The following DMD variants were observed in gnomAD, a reference collection of about 807,000 sequenced individuals.
The protein encoded by DMD is mutant dystrophin.
Under a neutral mutation model 330.1 loss-of-function variants are expected in DMD, and 63 were observed. The ratio of observed to expected loss-of-function variants is 0.19; its 90% CI spans 0.16 to 0.24. DMD has a LOEUF of 0.24. Ranked by LOEUF, DMD falls within the 10% of genes least tolerant of loss-of-function variation. The pLI, the probability that DMD is intolerant of heterozygous loss-of-function variation, is 1.00. For missense variants in DMD, 3,344 were observed against 2,684.1 expected, an observed-to-expected ratio of 1.25 and a Z score of -5.43; for synonymous variants, 1,223 against 959.8, an observed-to-expected ratio of 1.27 and a Z score of -5.07.
chrX:32,925,145 GTTTTTTTTTTTTTTT>G (rs777224221), intron 2 of DMD, among the ~76,000 whole-genome samples: 1,205 of 48,555 alleles, frequency 0.025, 43 homozygotes, highest in African/African-American at 0.09. Context: ...AAAACTCTGG[GTTTTTTTTTTTTTTT>G]TTTTTTTTTT....
intron 54 of DMD, among the ~76,000 whole-genome samples, chrX:31,645,432 G>A (rs73455950): frequency 0.013 from 1,489 of 112,208 alleles, 30 homozygotes; most frequent in African/African-American, 0.045. Context: ...CAGAATATGA[G>A]GTAAGAATAA....
chrX:32,622,087 C>A (rs1020647774), intron 11 of DMD, among the ~76,000 whole-genome samples: 1 of 111,356 alleles, frequency 9.0e-6, no homozygotes, highest in Non-Finnish European at 1.9e-5. Context: ...GGACAACTGC[C>A]AATCCCCAGG....
chrX:31,444,235 C>T (rs993537023), intron 60 of DMD, among the ~76,000 whole-genome samples: 6 of 110,747 alleles, frequency 5.4e-5, no homozygotes, highest in African/African-American at 1.3e-4. Flanking sequence ...ATTACCCAGC[C>T]CCAAGTATTC....
intron 9 of DMD, among the ~76,000 whole-genome samples, chrX:32,678,151 G>A (rs1169952595): frequency 8.9e-6 from 1 of 111,886 alleles, no homozygotes; most frequent in Non-Finnish European, 1.9e-5. Flanking sequence ...TTTTCATCAT[G>A]CAAGATGAAT....
rs1602454900 is a variant in DMD at position 32,990,830 on chromosome X, A to C, written c.93+29309T>G. 4.5e-5 allele frequency among the ~76,000 whole-genome samples: 5 copies of C among 111,495 alleles called. No homozygotes were observed. The Admixed American group carries it at 4.8e-4, about 11-fold the overall frequency. ...ATTCACACAAGGTTTGTGTCACACA[A>C]GGAGAAACTGTATGTGCCTGTTCTT... is the stretch of plus-strand genomic sequence containing the variant. On this transcript the variant is annotated intron_variant, in intron 2 of 78. Coordinates refer to ENST00000357033, the MANE Select transcript of DMD (RefSeq NM_004006.3).
chrX:32,806,964 A>T (rs1043196755), intron 7 of DMD, among the ~76,000 whole-genome samples: 1 of 109,316 alleles, frequency 9.1e-6, no homozygotes, highest in Non-Finnish European at 1.9e-5. Context: ...GGAAATTTAC[A>T]GCACTAAATG....
intron 1 of DMD, among the ~76,000 whole-genome samples, chrX:33,271,458 G>C (rs1032181279): frequency 2.7e-5 from 3 of 111,174 alleles, no homozygotes; most frequent in African/African-American, 9.8e-5. Flanking sequence ...CATTCCATGT[G>C]ATGAAACATT....
At chrX:32,754,141 C>A (rs759566117) in intron 7 of DMD, among the ~76,000 whole-genome samples, 1 of 110,013 alleles carries the variant, frequency 9.1e-6, no homozygotes, top group South Asian at 3.8e-4. Context: ...AGTTGCTGGT[C>A]ACTTAATATC....
chrX:32,878,646 T>C (rs756901794), intron 2 of DMD, among the ~76,000 whole-genome samples: 1 of 111,350 alleles, frequency 9.0e-6, no homozygotes, highest in Non-Finnish European at 1.9e-5. Context: ...AGAATCTTAC[T>C]GATTTTTAAA....
chrX:31,145,788 G>A (rs755014614), intron 76 of DMD, among the ~76,000 whole-genome samples: 235 of 108,619 alleles, frequency 2.2e-3, no homozygotes, highest in Non-Finnish European at 3.9e-3. Flanking sequence ...TCATCCTCCC[G>A]AGTAGCTGGG....
intron 7 of DMD, among the ~76,000 whole-genome samples, chrX:32,784,852 AAC>A (rs1213402910): frequency 8.9e-6 from 1 of 111,746 alleles, no homozygotes; most frequent in African/African-American, 3.2e-5. Flanking sequence ...TGTCTTATAT[AAC>A]AGTTACCTAT....
intron 13 of DMD, among the ~76,000 whole-genome samples, chrX:32,575,590 T>C (rs1025244484): frequency 8.9e-6 from 1 of 112,529 alleles, no homozygotes; most frequent in Non-Finnish European, 1.9e-5. Context: ...ATAGGTTTTT[T>C]CTAAAACATA....
chrX:32,114,831 T>C (rs1450905737), intron 44 of DMD, among the ~76,000 whole-genome samples: 1 of 112,619 alleles, frequency 8.9e-6, no homozygotes, highest in Non-Finnish European at 1.9e-5. Context: ...CAGCAGTATC[T>C]GCACAGTGAA....
chrX:32,875,562 CTA>C (rs2083310281), intron 2 of DMD, among the ~76,000 whole-genome samples: 1 of 112,101 alleles, frequency 8.9e-6, no homozygotes, highest in Non-Finnish European at 1.9e-5. Context: ...AAATGAATGA[CTA>C]TTGGATAAGT....
At chrX:31,237,256 A>C (rs2047822895) in intron 63 of DMD, among the ~76,000 whole-genome samples, 1 of 112,491 alleles carries the variant, frequency 8.9e-6, no homozygotes, top group South Asian at 3.7e-4. Context: ...TTATGCATGA[A>C]TAATGAGTCC....
At chrX:32,763,268 T>C (rs926723859) in intron 7 of DMD, among the ~76,000 whole-genome samples, 3 of 112,407 alleles carry the variant, frequency 2.7e-5, no homozygotes, top group African/African-American at 9.7e-5. Flanking sequence ...TTTTAAATCA[T>C]TTTAATGTTA....
chrX:32,695,436 A>T (rs893592521), intron 9 of DMD, among the ~76,000 whole-genome samples: 1 of 111,934 alleles, frequency 8.9e-6, no homozygotes, highest in Admixed American at 9.5e-5. Flanking sequence ...ATGAGCATAA[A>T]AATATAAAAT....
chrX:31,415,934 C>T (rs1392667814), intron 60 of DMD, among the ~76,000 whole-genome samples: 1 of 111,143 alleles, frequency 9.0e-6, no homozygotes, highest in African/African-American at 3.3e-5. Context: ...GGGATAACAA[C>T]TTGATAATAA....
chrX:32,343,223 T>C lies in DMD; in HGVS notation c.5650A>G (p.Arg1884Gly), dbSNP rs1557291149. The change falls in exon 40 of 79, where the codon AGG becomes GGG. Residue 1884 changes from arginine to glycine, a missense_variant. Physicochemically the swap from Arg to Gly is moderately radical, Grantham distance 125. Coordinates refer to ENST00000357033, the MANE Select transcript of DMD (RefSeq NM_004006.3). ...EISHQWYQYK[R>G]QADDLLKCLD... The stretch of plus-strand genomic sequence containing the variant: ...CATTTCAGGAGATCATCAGCCTGCC[T>C]CTTGTACTGATACCACTGATGAGAA... The C allele has an allele frequency of 5.8e-6, 7 of 1,208,878 alleles. No individual in the cohort carries two copies. The highest frequency in any genetic ancestry group is 7.8e-6 in the Non-Finnish European group (7 of 892,942).
Sources: allele counts gnomAD v4.1 joint callset (sites outside exome capture counted in the v4.1 genomes callset), GRCh38; gene constraint gnomAD v4.1.1; transcripts MANE v1.5; gene names NCBI Gene and HGNC (gene_info 2026-07-23, HGNC 2026-07-21).